Variants in ADGRD1 observed in about 807,000 individuals in gnomAD.
ADGRD1 encodes G-protein coupled receptor 133.
ADGRD1 carries 77 observed loss-of-function variants against 113.4 expected under a neutral mutation model. That is an observed-to-expected ratio of 0.68 (90% confidence interval 0.57 to 0.82). ADGRD1 has a LOEUF of 0.82. Ranked by LOEUF, ADGRD1 falls within the 40% of genes least tolerant of loss-of-function variation. ADGRD1 has a pLI of 0.00. For missense variants in ADGRD1, 1,036 were observed against 1,139.1 expected (o/e 0.91, Z 1.30); for synonymous variants, 474 against 475.0 (o/e 1.00, Z 0.03).
At position 130,971,600 on chromosome 12, in the gene ADGRD1, G is replaced by T; in HGVS notation, c.310+20G>T. 2 of 1,584,990 alleles carry T rather than the reference G, an allele frequency of 1.3e-6. No individual in the cohort carries two copies. Among genetic ancestry groups the T allele is most frequent in the South Asian group, 1.2e-5 (1 of 86,296 alleles). On this transcript the variant is annotated intron_variant, in intron 4 of 24. Transcript: ENST00000261654. This position sits in a 1 kb window ranked among gnomAD's most constrained non-coding sequence, Gnocchi z 4.2. ...CTGAAGGTGAGTGGCTGATCCCTGC[G>T]GCATCTTTGTCAAGCATTTCATTCT...
chr12:131,002,847 G>A, intron 9 of ADGRD1: 1 of 1,247,272 alleles, frequency 8.0e-7, no homozygotes, highest in South Asian at 1.5e-5. Context: ...GGTAGGGGGA[G>A]GGTCTGGGAT....
In ADGRD1 at chr12:131,004,432, A is replaced by G. The variant is rs367808575; in HGVS notation, c.1255+136A>G. ...CGGGCCGCCTGCGGTGCTCCCCCGG[A>G]CTGCCTGTCCTGTCCTGCAGGAGAG... On this transcript the variant is annotated intron_variant, in intron 11 of 24. Coordinates refer to ENST00000261654, the MANE Select transcript of ADGRD1 (RefSeq NM_198827.5). 1,428 of 309,992 alleles carry G rather than the reference A, an allele frequency of 4.6e-3. 12 individuals carry two copies. The highest frequency in any genetic ancestry group is 6.9e-3 in the Non-Finnish European group (1,011 of 146,730). The allele number at this position is 309,992 out of a possible 1,614,324, so 19.2% of individuals were successfully genotyped here.
chr12:131,111,053 C>G (rs150521565), intron 18 of ADGRD1, among the ~76,000 whole-genome samples: 46 of 151,642 alleles, frequency 3.0e-4, no homozygotes, highest in African/African-American at 1.1e-3. Flanking sequence ...TGTCTTTCAG[C>G]ATTTTAACTC....
chr12:131,101,377 CTTTTTTTTTTTTTTTT>C (rs71095334), intron 15 of ADGRD1, among the ~76,000 whole-genome samples: 3 of 36,132 alleles, frequency 8.3e-5, no homozygotes, highest in African/African-American at 2.8e-4. Context: ...TTCTTTCTTT[CTTTTTTTTTTTTTTTT>C]TTTTTTTTTT....
At chr12:131,138,014 C>G (rs1951140286) in intron 23 of ADGRD1, 123 bp from the exon 24 acceptor site, 1 of 754,642 alleles carries the variant, frequency 1.3e-6, no homozygotes, top group Non-Finnish European at 2.3e-6. Flanking sequence ...AGCTCCGACT[C>G]ATATTTCCAA....
At chr12:131,131,173 T>C (rs1950915459) in intron 20 of ADGRD1, among the ~76,000 whole-genome samples, 1 of 152,044 alleles carries the variant, frequency 6.6e-6, no homozygotes, top group African/African-American at 2.4e-5. Context: ...CCCAGCCCCA[T>C]AGGTCCCAAC....
Position 131,041,756 on chromosome 12 carries a change from C to A in ADGRD1, c.1473+27416C>A, listed in dbSNP as rs952586140. Reference sequence around the variant, plus strand: ...TGCACGCTGTTGCCGCAGCCTCCCCCTGCCTGGCGCCTCTGCCTGCACCCG... The same window carrying A: ...TGCACGCTGTTGCCGCAGCCTCCCCATGCCTGGCGCCTCTGCCTGCACCCG... On this transcript the variant is annotated intron_variant, in intron 13 of 24. Coordinates refer to ENST00000261654, the MANE Select transcript of ADGRD1 (RefSeq NM_198827.5). The surrounding 1 kb of genome is among the most constrained non-coding windows in gnomAD (Gnocchi z 4.4). Among the ~76,000 whole-genome samples the A allele has an allele frequency of 1.3e-5, 2 of 152,212 alleles. No homozygotes were observed. The highest frequency in any genetic ancestry group is 2.9e-5 in the Non-Finnish European group (2 of 68,036).
chr12:131,131,613 A>G, intron 20 of ADGRD1, 112 bp from the exon 21 acceptor site: 1 of 697,976 alleles, frequency 1.4e-6, no homozygotes, highest in Admixed American at 2.6e-5. Context: ...GTGTCCCAGG[A>G]GCCCTGGCTG....
rs1288897999 is a variant in ADGRD1, at chr12:131,140,187, C to T, written c.*924C>T. The T allele has an allele frequency of 6.6e-6, 1 of 152,226 alleles. No homozygotes were observed. Among genetic ancestry groups the T allele is most frequent in the Non-Finnish European group, 1.5e-5 (1 of 68,058 alleles). The allele number at this position is 152,226 out of a possible 1,614,324, so 9.4% of individuals were successfully genotyped here. ...CAGGTGGAAAGTGGAGGGCATTTTC[C>T]AGGGCACTGCTTTCCCCAGAGGCTT... On this transcript the variant is annotated 3_prime_UTR_variant, in exon 25 of 25. Coordinates refer to ENST00000261654, the MANE Select transcript of ADGRD1 (RefSeq NM_198827.5).
chr12:130,995,897 T>A (rs1875234217), intron 8 of ADGRD1, among the ~76,000 whole-genome samples: 1 of 152,190 alleles, frequency 6.6e-6, no homozygotes, highest in South Asian at 2.1e-4. Context: ...CAAAGGTCTC[T>A]GGTTTTCCTA....
At chr12:131,044,887 A>G (rs1429893753) in intron 13 of ADGRD1, among the ~76,000 whole-genome samples, 2 of 152,274 alleles carry the variant, frequency 1.3e-5, no homozygotes, top group Non-Finnish European at 2.9e-5. Flanking sequence ...CTCGCGCCGT[A>G]TTCCACCGCG....
intron 3 of ADGRD1, chr12:130,970,258 C>T (rs904763389): frequency 6.6e-6 from 1 of 152,164 alleles, no homozygotes; most frequent in African/African-American, 2.4e-5. Context: ...CTTTTCAACA[C>T]AAAAACTGAC....
At chr12:131,040,944 T>C (rs1039386325) in intron 13 of ADGRD1, among the ~76,000 whole-genome samples, 13 of 152,228 alleles carry the variant, frequency 8.5e-5, no homozygotes, top group African/African-American at 2.9e-4. Context: ...TCCTGAAACC[T>C]GAACTTCTCG....
intron 8 of ADGRD1, among the ~76,000 whole-genome samples, chr12:130,996,321 C>T (rs12828569): frequency 0.18 from 20,695 of 116,134 alleles, 1,002 homozygotes; most frequent in Non-Finnish European, 0.21. Context: ...GGTGGCCGGG[C>T]AGAGGGGCTC....
At chr12:131,038,036 C>T (rs1016224834) in intron 13 of ADGRD1, among the ~76,000 whole-genome samples, 5 of 148,260 alleles carry the variant, frequency 3.4e-5, no homozygotes, top group African/African-American at 1.0e-4. Context: ...ACTCACTACA[C>T]CAGGCCTCAC....
chr12:131,080,353 AG>A (rs1321275002), intron 14 of ADGRD1, among the ~76,000 whole-genome samples: 1 of 152,054 alleles, frequency 6.6e-6, no homozygotes, highest in Non-Finnish European at 1.5e-5. Flanking sequence ...GTATAATTTT[AG>A]TTCTTTTAAA....
At chr12:131,120,077 C>A (rs1950556915) in intron 19 of ADGRD1, among the ~76,000 whole-genome samples, 1 of 152,148 alleles carries the variant, frequency 6.6e-6, no homozygotes, top group Non-Finnish European at 1.5e-5. Flanking sequence ...GGCAGACCTG[C>A]TGCTCAGTGA....
At chr12:131,093,014 C>T (rs372540691) in intron 15 of ADGRD1, among the ~76,000 whole-genome samples, 2 of 152,116 alleles carry the variant, frequency 1.3e-5, no homozygotes, top group East Asian at 1.9e-4. Context: ...CAGGGCCCCC[C>T]GGTCCCCATG....
chr12:131,136,132 AG>A lies in ADGRD1; in HGVS notation c.2364del (p.Gln788HisfsTer22), dbSNP rs1951076859. ...LAVNGCAVVFQYMFATLNSLQ... is the reference protein window; with the variant it reads ...LAVNGCAVVFXYMFATLNSLQ... The stretch of plus-strand genomic sequence containing the variant: ...GTCAACGGTTGTGCTGTGGTTTTCC[AG>A]TACATGTTTGCCACGCTCAACTCCC... On this transcript the variant is annotated frameshift_variant, in exon 22 of 25. Coordinates refer to ENST00000261654, the MANE Select transcript of ADGRD1 (RefSeq NM_198827.5). LOFTEE classifies it high-confidence loss of function. 9.9e-6 allele frequency: 16 copies of A among 1,614,124 alleles called. No homozygotes were observed. The East Asian group carries it at 3.3e-4, about 34-fold the overall frequency.
Sources: gnomAD v4.1 joint callset for allele counts (sites outside exome capture counted in the v4.1 genomes callset) on GRCh38, gnomAD v4.1.1 for gene constraint, Gnocchi (gnomAD v3.1) non-coding constraint, MANE v1.5 for transcripts, NCBI Gene and HGNC (gene_info 2026-07-23, HGNC 2026-07-21) for gene names.